Variants in MPC1 observed in about 807,000 individuals in gnomAD.
MPC1 encodes HSPC040 protein.
A neutral mutation model predicts 13.9 loss-of-function variants in MPC1; 6 were observed. The observed-to-expected ratio is 0.43, with a 90% CI of 0.24 to 0.85. The LOEUF is 0.85. Ranked by LOEUF, MPC1 falls within the 40% of genes least tolerant of loss-of-function variation. The pLI, the probability that MPC1 is intolerant of heterozygous loss-of-function variation, is 0.24. For missense variants in MPC1, 115 were observed against 143.3 expected (o/e 0.80, Z 1.01); for synonymous variants, 47 against 50.5 (o/e 0.93, Z 0.29).
At chr6:166,366,219 G>A (rs530701409) in intron 3 of MPC1, 113 bp from the exon 4 acceptor site, 54 of 1,223,332 alleles carry the variant, frequency 4.4e-5, no homozygotes, top group Non-Finnish European at 5.5e-5. Flanking sequence ...CCTCTTCTGC[G>A]AAAGCCTTTG....
chr6:166,368,142 C>T (rs1449943602), intron 2 of MPC1, among the ~76,000 whole-genome samples: 1 of 152,222 alleles, frequency 6.6e-6, no homozygotes, highest in Non-Finnish European at 1.5e-5. Context: ...ATCTTGCATT[C>T]AGACTGCATG....
At chr6:166,374,339 T>G (rs958762183) in intron 1 of MPC1, among the ~76,000 whole-genome samples, 1 of 152,196 alleles carries the variant, frequency 6.6e-6, no homozygotes, top group Non-Finnish European at 1.5e-5. Flanking sequence ...GAAAAGTCCT[T>G]TATCAGTTAT....
chr6:166,381,173 C>G (rs1434081698), intron 1 of MPC1, among the ~76,000 whole-genome samples: 2 of 152,240 alleles, frequency 1.3e-5, no homozygotes, highest in Admixed American at 1.3e-4. Flanking sequence ...AGACTGCTAC[C>G]TTGTTCACAT....
rs1170809954 is a variant in MPC1 at position 166,382,808 on chromosome 6, C to G, written c.69G>C (p.Met23Ile). ...VRSKDFRDYL[M>I]STHFWGPVAN... ...GTTCGGCCTGCGGCGCTCGTCACCT[C>G]ATGAGGTAGTCCCGGAAATCCTTGC... Residue 23 changes from methionine (M) to isoleucine (I), a missense_variant and splice_region_variant, in exon 1 of 5, where the codon ATG becomes ATC. Coordinates refer to ENST00000360961, the MANE Select transcript of MPC1 (RefSeq NM_016098.4). 1 of 1,594,138 alleles carries G rather than the reference C, an allele frequency of 6.3e-7. No homozygotes were observed. Among genetic ancestry groups the G allele is most frequent in the African/African-American group, 1.4e-5 (1 of 72,772 alleles).
Position 166,382,813 on chromosome 6 carries a change from G to A in MPC1, c.64C>T (p.Leu22Phe). The A allele has an allele frequency of 6.3e-7, 1 of 1,595,814 alleles. No individual in the cohort carries two copies. The highest frequency in any genetic ancestry group is 8.5e-7 in the Non-Finnish European group (1 of 1,172,896). The change falls in exon 1 of 5, where the codon CTC becomes TTC. Residue 22 changes from leucine (L) to phenylalanine (F), a missense_variant. This residue lies in a region of MPC1 where 41 missense variants were observed against 34.2 expected (regional missense o/e 1.20). Coordinates refer to ENST00000360961, the MANE Select transcript of MPC1 (RefSeq NM_016098.4). The stretch of plus-strand genomic sequence containing the variant: ...GCCTGCGGCGCTCGTCACCTCATGA[G>A]GTAGTCCCGGAAATCCTTGCTTCGG... The part of the protein sequence containing the change: ...YVRSKDFRDY[L>F]MSTHFWGPVA...
At chr6:166,377,378 G>A (rs943763490) in intron 1 of MPC1, among the ~76,000 whole-genome samples, 1 of 152,146 alleles carries the variant, frequency 6.6e-6, no homozygotes, top group Non-Finnish European at 1.5e-5. Context: ...GATGGACATG[G>A]TGGAGGCAGA....
At chr6:166,372,689 G>T (rs1314046921) in intron 1 of MPC1, among the ~76,000 whole-genome samples, 2 of 151,212 alleles carry the variant, frequency 1.3e-5, no homozygotes, top group African/African-American at 4.9e-5. Flanking sequence ...AAGCATATTT[G>T]TGCAGAACCA....
rs567798756 is a variant in MPC1, at chr6:166,382,865, C to T, written c.12G>A (p.Ala4=). Residue 4 remains alanine, a synonymous_variant, in exon 1 of 5, where the codon GCG becomes GCA. Coordinates refer to ENST00000360961, the MANE Select transcript of MPC1 (RefSeq NM_016098.4). Reference sequence around the variant, plus strand: ...CATAGTCCGCCGCTTTCCGCACCAACGCGCCCGCCATGGCTGTGCCGACAC... The same window carrying T: ...CATAGTCCGCCGCTTTCCGCACCAATGCGCCCGCCATGGCTGTGCCGACAC... MAG[A]LVRKAADYVR... 1.9e-6 allele frequency: 3 copies of T among 1,594,342 alleles called. No homozygotes were observed. The highest frequency in any genetic ancestry group is 2.3e-5 in the East Asian group (1 of 42,850).
Position 166,369,750 on chromosome 6 carries a change from T to C in MPC1, c.75+468A>G, listed in dbSNP as rs538789638. 2.0e-5 allele frequency among the ~76,000 whole-genome samples: 3 copies of C among 152,336 alleles called. No homozygotes were observed. In the South Asian group the frequency reaches 6.2e-4, roughly 32 times the overall value. ...TAAAATTCAAAAAGAAATTAACATA[T>C]GTTGGATTAAATGGAAAACATTTTA... is the stretch of plus-strand genomic sequence containing the variant. On this transcript the variant is annotated intron_variant, in intron 2 of 4. Coordinates refer to ENST00000360961, the MANE Select transcript of MPC1 (RefSeq NM_016098.4).
rs550728242 is a variant in MPC1, at chr6:166,366,829, C to A, written c.138G>T (p.Lys46Asn). The A allele has an allele frequency of 1.2e-6, 2 of 1,614,014 alleles. No individual in the cohort carries two copies. Among genetic ancestry groups the A allele is most frequent in the African/African-American group, 2.7e-5 (2 of 75,016 alleles). Reference sequence around the variant, plus strand: ...TCCGCCCACTGATAATCTCTGGAGACTTTTTCATATCATTGATGGCAGCAA... The same window carrying A: ...TCCGCCCACTGATAATCTCTGGAGAATTTTTCATATCATTGATGGCAGCAA... The part of the protein sequence containing the change: ...LPIAAINDMK[K>N]SPEIISGRMT... The change falls in exon 3 of 5, where the codon AAG becomes AAT. Residue 46 changes from lysine (K) to asparagine (N), a missense_variant. This residue lies in a region of MPC1 where 71 missense variants were observed against 88.5 expected (regional missense o/e 0.80). Coordinates refer to ENST00000360961, the MANE Select transcript of MPC1 (RefSeq NM_016098.4).
At chr6:166,379,893 T>C (rs1275610168) in intron 1 of MPC1, among the ~76,000 whole-genome samples, 2 of 152,230 alleles carry the variant, frequency 1.3e-5, no homozygotes, top group Non-Finnish European at 2.9e-5. Flanking sequence ...TCCTCTGATA[T>C]GTTCTAGGAA....
chr6:166,369,052 G>T, intron 2 of MPC1: 1 of 553,846 alleles, frequency 1.8e-6, no homozygotes, highest in African/African-American at 2.1e-5. Flanking sequence ...ATGGACAATG[G>T]AATAAATCTA....
At position 166,370,203 on chromosome 6, in the gene MPC1, A is replaced by T; in HGVS notation, c.75+15T>A. 1.3e-6 allele frequency: 1 copy of T among 780,706 alleles called. No homozygotes were observed. The highest frequency in any genetic ancestry group is 2.4e-6 in the Non-Finnish European group (1 of 417,994). 48.4% of individuals were successfully genotyped at this position (780,706 alleles called of 1,614,324 possible). Reference sequence around the variant, plus strand: ...GTCTGCAAAAGCCTGAAATGGATGGAAATAATTTTCTTACCGTACTATTTT... The same window carrying T: ...GTCTGCAAAAGCCTGAAATGGATGGTAATAATTTTCTTACCGTACTATTTT... On this transcript the variant is annotated intron_variant, in intron 2 of 4. Transcript: ENST00000360961.
chr6:166,374,194 T>G (rs918906531), intron 1 of MPC1, among the ~76,000 whole-genome samples: 1 of 152,170 alleles, frequency 6.6e-6, no homozygotes, highest in Non-Finnish European at 1.5e-5. Context: ...GGTTTCACCA[T>G]GTTGGCCAGG....
At position 166,366,070 on chromosome 6, in the gene MPC1, G is replaced by A. The variant is rs1779141188; in HGVS notation, c.209C>T (p.Ala70Val). Reference protein sequence around the residue: ...CCYSLTFMRFAYKVQPRNWLL... With the variant: ...CCYSLTFMRFVYKVQPRNWLL... Reference sequence around the variant, plus strand: ...CCAGTTCCGAGGCTGTACCTTGTAGGCAAATCTCATGAATGTCAAAGAATA... The same window carrying A: ...CCAGTTCCGAGGCTGTACCTTGTAGACAAATCTCATGAATGTCAAAGAATA... The change falls in exon 4 of 5, where the codon GCC (alanine) becomes GTC (valine). Residue 70 changes from alanine (A) to valine (V), a missense_variant. By Grantham distance (64) the Ala-to-Val change is moderately conservative. Around this residue, in one of 3 missense-constraint regions of MPC1, gnomAD observed 71 missense variants for 88.5 expected, o/e 0.80. Coordinates refer to ENST00000360961, the MANE Select transcript of MPC1 (RefSeq NM_016098.4). 2 of 1,613,918 alleles carry A rather than the reference G, an allele frequency of 1.2e-6. No homozygotes were observed. Among genetic ancestry groups the A allele is most frequent in the Non-Finnish European group, 1.7e-6 (2 of 1,179,904 alleles).
intron 1 of MPC1, among the ~76,000 whole-genome samples, chr6:166,370,908 T>C (rs1007111621): frequency 5.3e-5 from 8 of 152,348 alleles, no homozygotes; most frequent in African/African-American, 1.9e-4. Flanking sequence ...ATTTAATCCA[T>C]ATGTATGCAA....
chr6:166,380,054 A>G (rs908274748), intron 1 of MPC1, among the ~76,000 whole-genome samples: 6 of 152,262 alleles, frequency 3.9e-5, no homozygotes, highest in Non-Finnish European at 8.8e-5. Context: ...TAAACAGATC[A>G]GCTGAATGTT....
intron 1 of MPC1, among the ~76,000 whole-genome samples, chr6:166,381,503 G>C (rs1180429632): frequency 1.3e-5 from 2 of 151,782 alleles, no homozygotes; most frequent in African/African-American, 4.8e-5. Context: ...TTTACCTCTT[G>C]ACCACACTAT....
At chr6:166,369,998 A>G (rs1286870097) in intron 2 of MPC1, 11 of 692,792 alleles carry the variant, frequency 1.6e-5, no homozygotes, top group Non-Finnish European at 2.6e-5. Flanking sequence ...GCTTGTTTCT[A>G]AAAACAGGAG....
Sources: allele counts gnomAD v4.1 joint callset (sites outside exome capture counted in the v4.1 genomes callset), GRCh38; gene constraint gnomAD v4.1.1; regional missense constraint gnomAD v4.1.1; transcripts MANE v1.5; gene names NCBI Gene and HGNC (gene_info 2026-07-23, HGNC 2026-07-21).